PXDN: variants seen among roughly 807,000 people sequenced by gnomAD.
PXDN encodes peroxidasin.
In PXDN, 77 loss-of-function variants were observed where a neutral mutation model predicts 140.3. The ratio of observed to expected loss-of-function variants is 0.55; its 90% CI spans 0.46 to 0.66. The LOEUF (loss-of-function observed/expected upper bound fraction) is 0.66. Ranked by LOEUF, PXDN falls within the 30% of genes least tolerant of loss-of-function variation. The probability of loss-of-function intolerance (pLI) is 0.00; values close to 1 mark genes in which losing one functional copy is unlikely to be tolerated. For missense variants in PXDN, 1,838 were observed against 2,039.5 expected, an observed-to-expected ratio of 0.90 and a Z score of 1.90; for synonymous variants, 911 against 857.4, an observed-to-expected ratio of 1.06 and a Z score of -1.09.
chr2:1,669,353 C>A (rs1038462756), intron 9 of PXDN, among the ~76,000 whole-genome samples: 1 of 152,166 alleles, frequency 6.6e-6, no homozygotes, highest in East Asian at 1.9e-4. Flanking sequence ...CAATGCCTGT[C>A]GGGCTTAAAA....
At chr2:1,688,639 G>T (rs1420563752) in intron 3 of PXDN, among the ~76,000 whole-genome samples, 1 of 152,198 alleles carries the variant, frequency 6.6e-6, no homozygotes, top group Middle Eastern at 3.2e-3. Context: ...TCTGTGCCCA[G>T]ACATGGGGAG....
At chr2:1,679,116 G>C (rs1301698657) in intron 7 of PXDN, among the ~76,000 whole-genome samples, 2 of 142,506 alleles carry the variant, frequency 1.4e-5, no homozygotes, top group Non-Finnish European at 3.0e-5. Context: ...GTGTGTGTGT[G>C]TGTCTATAAA....
In PXDN at chr2:1,648,752, C is replaced by T; in HGVS notation, c.3028G>A (p.Asp1010Asn). The change falls in exon 17 of 23, where the codon GAC becomes AAC. Residue 1010 changes from aspartate to asparagine, a missense_variant. Asp to Asn is a conservative substitution (Grantham distance 23, BLOSUM62 1). This residue lies in a region of PXDN where 850 missense variants were observed against 894.1 expected (regional missense o/e 0.95). Transcript: ENST00000252804. The surrounding 1 kb of genome is among the most constrained non-coding windows in gnomAD (Gnocchi z 8.9). ...GTCTCATAGTAGATGGTGTCGCCGT[C>T]CCAGTGCGGGTTCAGCTTGAGCAGC... ...TELLKLNPHW[D>N]GDTIYYETRK... 6.2e-7 allele frequency: 1 copy of T among 1,604,260 alleles called. No individual in the cohort carries two copies. The highest frequency in any genetic ancestry group is 1.1e-5 in the South Asian group (1 of 89,042).
chr2:1,660,037 G>T lies in PXDN; in HGVS notation c.1837+844C>A, dbSNP rs1683266415. Among the ~76,000 whole-genome samples, 1 of 152,186 alleles carries T rather than the reference G, an allele frequency of 6.6e-6. No individual in the cohort carries two copies. Among genetic ancestry groups the T allele is most frequent in the Non-Finnish European group, 1.5e-5 (1 of 68,042 alleles). ...GAGGGTCCTTTACCCCGTGAAGGGG[G>T]GTTTGTGCGCGTTCTCAGAGTGTTG... On this transcript the variant is annotated intron_variant, in intron 14 of 22. Coordinates refer to ENST00000252804, the MANE Select transcript of PXDN (RefSeq NM_012293.3). The surrounding 1 kb of genome is among the most constrained non-coding windows in gnomAD (Gnocchi z 4.6).
intron 1 of PXDN, among the ~76,000 whole-genome samples, chr2:1,737,637 T>C (rs1685451979): frequency 6.6e-6 from 1 of 152,002 alleles, no homozygotes; most frequent in Admixed American, 6.5e-5. Context: ...CCTCCCAGGT[T>C]CAAGCGATTC....
At chr2:1,652,450 C>G (rs998343004) in intron 16 of PXDN, among the ~76,000 whole-genome samples, 2 of 151,454 alleles carry the variant, frequency 1.3e-5, no homozygotes, top group Non-Finnish European at 2.9e-5. Context: ...CAGAAAGTGC[C>G]CAATAAATAC....
chr2:1,718,034 A>G (rs1052228987), intron 1 of PXDN, among the ~76,000 whole-genome samples: 1 of 147,516 alleles, frequency 6.8e-6, no homozygotes, highest in Non-Finnish European at 1.5e-5. Context: ...ACCCAAAGCT[A>G]TTCTACTAAC....
chr2:1,664,448 C>A (rs746109796), intron 11 of PXDN: 14 of 156,566 alleles, frequency 8.9e-5, no homozygotes, highest in Admixed American at 3.1e-4. Flanking sequence ...AGCGACTTTC[C>A]CATTGAAGAA....
At position 1,681,438 on chromosome 2, in the gene PXDN, G is replaced by A. The variant is rs115487073; in HGVS notation, c.561-1076C>T. Among the ~76,000 whole-genome samples, 395 of 152,276 alleles carry A rather than the reference G, an allele frequency of 2.6e-3. 2 individuals carry two copies. The highest frequency in any genetic ancestry group is 9.1e-3 in the African/African-American group (377 of 41,562). On this transcript the variant is annotated intron_variant, in intron 6 of 22. Transcript: ENST00000252804. ...TGAACTAGGGAAAAGTCCTGCAACAGACGTGCTCACTATTAACCCTCAATG... is the reference window on the plus strand; with the variant it reads ...TGAACTAGGGAAAAGTCCTGCAACAAACGTGCTCACTATTAACCCTCAATG...
intron 9 of PXDN, among the ~76,000 whole-genome samples, chr2:1,669,412 T>C (rs1350989760): frequency 6.6e-6 from 1 of 152,230 alleles, no homozygotes; most frequent in Non-Finnish European, 1.5e-5. Context: ...GGCACATGTA[T>C]ACCTATGTAA....
chr2:1,635,188 T>C (rs201274563), intron 22 of PXDN, among the ~76,000 whole-genome samples: 13 of 85,070 alleles, frequency 1.5e-4, no homozygotes, highest in Admixed American at 4.8e-4. Flanking sequence ...CTCTGTGGGG[T>C]TGGACCATGC....
At chr2:1,676,606 C>T (rs974549190) in intron 8 of PXDN, 6 of 381,566 alleles carry the variant, frequency 1.6e-5, no homozygotes, top group Admixed American at 3.9e-5. Context: ...TGCTGCCAGA[C>T]GTCAGCAGGC....
chr2:1,655,938 C>A (rs1032442193), intron 14 of PXDN, among the ~76,000 whole-genome samples: 17 of 148,736 alleles, frequency 1.1e-4, no homozygotes, highest in Non-Finnish European at 1.5e-4. Context: ...ACACACCACA[C>A]AAATACAACA....
intron 9 of PXDN, among the ~76,000 whole-genome samples, chr2:1,672,475 T>C (rs1409541426): frequency 3.9e-5 from 6 of 152,246 alleles, no homozygotes; most frequent in African/African-American, 1.4e-4. Context: ...ATACAGCCCA[T>C]GCTCCTTCTA....
At chr2:1,743,385 T>C (rs1253037792) in intron 1 of PXDN, among the ~76,000 whole-genome samples, 1 of 152,074 alleles carries the variant, frequency 6.6e-6, no homozygotes, top group East Asian at 1.9e-4. Flanking sequence ...GCCCCGAGAC[T>C]ACCGCGCGGC....
chr2:1,662,255 C>T (rs1034626573), intron 12 of PXDN, 71 bp from the exon 13 acceptor site: 11 of 1,315,550 alleles, frequency 8.4e-6, no homozygotes, highest in Non-Finnish European at 1.1e-5. Context: ...GAACAAAATC[C>T]CCTGCCCTCC....
chr2:1,744,193 T>A, intron 1 of PXDN, 63 bp downstream of exon 1: 43 of 989,668 alleles, frequency 4.3e-5, no homozygotes, highest in Non-Finnish European at 5.1e-5. Flanking sequence ...CGATCACCCC[T>A]GCGCTCCCGG....
intron 19 of PXDN, among the ~76,000 whole-genome samples, chr2:1,640,007 T>G (rs1682678021): frequency 1.3e-5 from 2 of 151,864 alleles, no homozygotes; most frequent in Admixed American, 6.6e-5. Flanking sequence ...CCCGGGTGAG[T>G]GAGGGGCCCT....
chr2:1,641,697 C>A (rs1293329283), intron 19 of PXDN, among the ~76,000 whole-genome samples: 1 of 152,234 alleles, frequency 6.6e-6, no homozygotes, highest in Non-Finnish European at 1.5e-5. Context: ...CTAAGCCTCT[C>A]CCACAGTGCC....
Sources: allele counts gnomAD v4.1 joint callset (sites outside exome capture counted in the v4.1 genomes callset), GRCh38; gene constraint gnomAD v4.1.1; regional missense constraint gnomAD v4.1.1; non-coding constraint Gnocchi (gnomAD v3.1); transcripts MANE v1.5; gene names NCBI Gene and HGNC (gene_info 2026-07-23, HGNC 2026-07-21).